Variants in NUPR2 observed in about 807,000 individuals in gnomAD.
NUPR2 encodes nuclear protein 2, transcriptional regulator, also known as nuclear protein 2.
Under a neutral mutation model 7.3 loss-of-function variants are expected in NUPR2, and 14 were observed. The ratio of observed to expected loss-of-function variants is 1.93; its 90% CI spans 1.27 to 3.01. The LOEUF (loss-of-function observed/expected upper bound fraction) is 3.01. Ranked by LOEUF, NUPR2 falls within the 30% of genes most tolerant of loss-of-function variation. The pLI is 0.00. For synonymous variants in NUPR2, 56 were observed against 59.7 expected (o/e 0.94, Z 0.29); for missense variants, 162 against 143.7 (o/e 1.13, Z -0.65).
rs1584650186 is a variant in NUPR2, at chr7:56,115,421, A to ATATACATATG, written c.*7-525_*7-524insCATATGTATA. On this transcript the variant is annotated intron_variant, in intron 1 of 1. Transcript: ENST00000329309. ...TATATATATATATATATATATATAT[A>ATATACATATG]TATATATTTGTGTGTGTGTGTGTGT... 1.2e-4 allele frequency among the ~76,000 whole-genome samples: 3 copies of ATATACATATG among 24,966 alleles called. 1 individual carries two copies. Among genetic ancestry groups the ATATACATATG allele is most frequent in the Non-Finnish European group, 1.9e-4 (3 of 15,666 alleles). The allele number at this position is 24,966 out of a possible 152,430, so 16.4% of individuals were successfully genotyped here.
chr7:56,115,394 C>CATATAT (rs1201360215), intron 1 of NUPR2, among the ~76,000 whole-genome samples: 46 of 30,752 alleles, frequency 1.5e-3, no homozygotes, highest in Admixed American at 1.9e-3. Flanking sequence ...GGCTCGATCG[C>CATATAT]ATATATATAT....
Position 56,115,429 on chromosome 7 carries a change from T to TATATGTATATATATATA in NUPR2, c.*7-533_*7-532insTATATATATATACATAT, listed in dbSNP as rs1554376538. ...TATATATATATATATATATATATAT[T>TATATGTATATATATATA]TGTGTGTGTGTGTGTGTGTGTGTGT... On this transcript the variant is annotated intron_variant, in intron 1 of 1. Transcript: ENST00000329309. 1.1e-3 allele frequency among the ~76,000 whole-genome samples: 34 copies of TATATGTATATATATATA among 30,980 alleles called. 3 individuals carry two copies. Among genetic ancestry groups the TATATGTATATATATATA allele is most frequent in the South Asian group, 2.3e-3 (2 of 886 alleles). The allele number at this position is 30,980 out of a possible 152,430, so 20.3% of individuals were successfully genotyped here. A position where few individuals can be genotyped will look rare whatever the true frequency, so the allele number is the denominator to read the frequency against.
chr7:56,115,695 C>T (rs1785538461), intron 1 of NUPR2, among the ~76,000 whole-genome samples: 2 of 146,660 alleles, frequency 1.4e-5, no homozygotes, highest in African/African-American at 5.1e-5. Context: ...TGGTTTCGAT[C>T]TCCTGACCTT....
intron 1 of NUPR2, among the ~76,000 whole-genome samples, chr7:56,115,429 T>TATATATATATA (rs1554376538): frequency 3.2e-5 from 1 of 30,986 alleles, no homozygotes; most frequent in Non-Finnish European, 5.4e-5. Context: ...ATATATATAT[T>TATATATATATA]TGTGTGTGTG....
chr7:56,115,407 A>ATGTGTG (rs1785523243), intron 1 of NUPR2, among the ~76,000 whole-genome samples: 1 of 37,012 alleles, frequency 2.7e-5, no homozygotes, highest in Non-Finnish European at 4.5e-5. Flanking sequence ...ATATATATAT[A>ATGTGTG]TATATATATA....
Position 56,114,860 on chromosome 7 carries a change from G to C in NUPR2, c.*44C>G, listed in dbSNP as rs746791636. On this transcript the variant is annotated 3_prime_UTR_variant, in exon 2 of 2. Coordinates refer to ENST00000329309, the MANE Select transcript of NUPR2 (RefSeq NM_001145712.2). The stretch of plus-strand genomic sequence containing the variant: ...CCTCCTCAGAACCAAGTTACAGTTG[G>C]AGTTACAGTAAATACTTCGAACAGG... 4.6e-5 allele frequency: 7 copies of C among 152,196 alleles called. No individual in the cohort carries two copies. The highest frequency in any genetic ancestry group is 7.3e-5 in the Non-Finnish European group (5 of 68,040). The allele number at this position is 152,196 out of a possible 1,614,324, so 9.4% of individuals were successfully genotyped here.
Position 56,116,416 on chromosome 7 carries a change from G to A in NUPR2, c.-102C>T. 6.3e-6 allele frequency: 4 copies of A among 639,826 alleles called. No individual in the cohort carries two copies. Among genetic ancestry groups the A allele is most frequent in the Non-Finnish European group, 7.2e-6 (3 of 419,014 alleles). 39.6% of individuals were successfully genotyped at this position (639,826 alleles called of 1,614,324 possible). A position where few individuals can be genotyped will look rare whatever the true frequency, so the allele number is the denominator to read the frequency against. On this transcript the variant is annotated 5_prime_UTR_variant, in exon 1 of 2. Transcript: ENST00000329309. ...GAGTTCCGATGGGCTCCGCGTGAAG[G>A]TGGGGGTGCCTTCGGCGACGCCACA...
rs1167993713 is a variant in NUPR2 at position 56,115,447 on chromosome 7, G to GTATATATATATATATATATATA, written c.*7-551_*7-550insTATATATATATATATATATATA. ...TATATATTTGTGTGTGTGTGTGTGT[G>GTATATATATATATATATATATA]TGTGTGTGTGTGTGTGTGTGTGTGT... On this transcript the variant is annotated intron_variant, in intron 1 of 1. Transcript: ENST00000329309. Among the ~76,000 whole-genome samples the GTATATATATATATATATATATA allele has an allele frequency of 5.6e-5, 2 of 35,992 alleles. 1 individual carries two copies. The highest frequency in any genetic ancestry group is 9.6e-5 in the Non-Finnish European group (2 of 20,870). The allele number at this position is 35,992 out of a possible 152,430, so 23.6% of individuals were successfully genotyped here.
chr7:56,115,435 G>GTATATATATATATATATATT (rs1306832660), intron 1 of NUPR2, among the ~76,000 whole-genome samples: 6 of 32,254 alleles, frequency 1.9e-4, no homozygotes, highest in African/African-American at 7.7e-4. Context: ...ATATTTGTGT[G>GTATATATATATATATATATT]TGTGTGTGTG....
intron 1 of NUPR2, among the ~76,000 whole-genome samples, chr7:56,115,513 T>C (rs2115619118): frequency 7.6e-6 from 1 of 132,292 alleles, no homozygotes; most frequent in Non-Finnish European, 1.6e-5. Flanking sequence ...TGGAGTGCAG[T>C]GGCACGATCT....
rs747398921 is a variant in NUPR2 at position 56,116,038 on chromosome 7, G to C, written c.277C>G (p.Arg93Gly). The C allele has an allele frequency of 2.0e-6, 3 of 1,487,504 alleles. No individual in the cohort carries two copies. In the South Asian group the frequency reaches 3.9e-5, roughly 19 times the overall value. The allele number at this position is 1,487,504 out of a possible 1,614,324, so 92.1% of individuals were successfully genotyped here. A position where few individuals can be genotyped will look rare whatever the true frequency, so the allele number is the denominator to read the frequency against. Residue 93 changes from arginine (R) to glycine (G), a missense_variant, in exon 1 of 2, where the codon CGC becomes GGC. Coordinates refer to ENST00000329309, the MANE Select transcript of NUPR2 (RefSeq NM_001145712.2). ...RRQRQLHPKM[R>G]TRLT The stretch of plus-strand genomic sequence containing the variant: ...ACCCAGGCTCAGGTGAGGCGAGTGC[G>C]CATCTTGGGATGCAGCTGGCGCTGG...
At chr7:56,115,349 A>G (rs1785521199) in intron 1 of NUPR2, among the ~76,000 whole-genome samples, 1 of 144,670 alleles carries the variant, frequency 6.9e-6, no homozygotes, top group African/African-American at 2.6e-5. Flanking sequence ...CAGTGGCGCA[A>G]TCTCCGCTCG....
intron 1 of NUPR2, among the ~76,000 whole-genome samples, chr7:56,115,199 G>C (rs142357015): frequency 4.9e-4 from 75 of 151,804 alleles, no homozygotes; most frequent in African/African-American, 1.7e-3. Flanking sequence ...GCCTCCCAAA[G>C]TGCTGGAATT....
At chr7:56,115,981 G>C in intron 1 of NUPR2, 34 bp downstream of exon 1, 1 of 1,417,810 alleles carries the variant, frequency 7.1e-7, no homozygotes, top group Non-Finnish European at 9.2e-7. Flanking sequence ...GGGTCCCCGG[G>C]GCACTGGTTG....
chr7:56,115,196 A>T (rs1045571718), intron 1 of NUPR2, among the ~76,000 whole-genome samples: 1 of 151,748 alleles, frequency 6.6e-6, no homozygotes, highest in African/African-American at 2.4e-5. Flanking sequence ...TGGGCCTCCC[A>T]AAGTGCTGGA....
intron 1 of NUPR2, among the ~76,000 whole-genome samples, chr7:56,115,430 TGTG>T (rs1417977600): frequency 2.0e-3 from 37 of 18,206 alleles, no homozygotes; most frequent in Non-Finnish European, 3.0e-3. Flanking sequence ...TATATATATT[TGTG>T]TGTGTGTGTG....
chr7:56,116,078 G>C lies in NUPR2; in HGVS notation c.237C>G (p.Gly79=). Residue 79 remains glycine (G), a synonymous_variant, in exon 1 of 2, where the codon GGC becomes GGG. Transcript: ENST00000329309. Reference sequence around the variant, plus strand: ...GCTGGCGCTGGCGGCGCTTGCGCTGGCCATTGAGGAGCTTCTGCGCGACCT... The same window carrying C: ...GCTGGCGCTGGCGGCGCTTGCGCTGCCCATTGAGGAGCTTCTGCGCGACCT... The part of the protein sequence containing the change: ...ERKVAQKLLN[G]QRKRRQRQLH... The C allele has an allele frequency of 6.6e-7, 1 of 1,521,080 alleles. No homozygotes were observed. The allele number at this position is 1,521,080 out of a possible 1,614,324, so 94.2% of individuals were successfully genotyped here.
intron 1 of NUPR2, 34 bp downstream of exon 1, chr7:56,115,981 G>A: frequency 7.1e-7 from 1 of 1,417,810 alleles, no homozygotes; most frequent in Non-Finnish European, 9.2e-7. Context: ...GGGTCCCCGG[G>A]GCACTGGTTG....
chr7:56,115,683 G>T (rs1453152632), intron 1 of NUPR2, among the ~76,000 whole-genome samples: 2 of 141,490 alleles, frequency 1.4e-5, no homozygotes, highest in East Asian at 4.6e-4. Context: ...TATTGGCCAG[G>T]ATGGTTTCGA....
Sources: gnomAD v4.1 joint callset for allele counts (sites outside exome capture counted in the v4.1 genomes callset) on GRCh38, gnomAD v4.1.1 for gene constraint, MANE v1.5 for transcripts, NCBI Gene and HGNC (gene_info 2026-07-23, HGNC 2026-07-21) for gene names.